The following TLN2 variants were observed in gnomAD, a reference collection of about 807,000 sequenced individuals.
TLN2 encodes talin 2, also known as talin-2.
Under a neutral mutation model 294.7 loss-of-function variants are expected in TLN2, and 118 were observed. That is an observed-to-expected ratio of 0.40 (90% CI 0.34 to 0.47). TLN2 has a LOEUF of 0.47. TLN2 is among the 20% of genes least tolerant of loss of function. The probability of loss-of-function intolerance (pLI) is 0.84; values close to 1 mark genes in which losing one functional copy is unlikely to be tolerated. For synonymous variants in TLN2, 1,431 were observed against 1,304.5 expected (o/e 1.10, Z -2.09); for missense variants, 3,083 against 3,282.2 (o/e 0.94, Z 1.48).
intron 36 of TLN2, 104 bp downstream of exon 36, chr15:62,754,020 C>A: frequency 7.4e-7 from 1 of 1,350,840 alleles, no homozygotes. Context: ...TCTTTCAGAG[C>A]TTGCAAAGGT....
intron 1 of TLN2, among the ~76,000 whole-genome samples, chr15:62,411,993 G>A (rs755329174): frequency 1.3e-5 from 2 of 152,118 alleles, no homozygotes; most frequent in Non-Finnish European, 2.9e-5. Context: ...TACACAGCTC[G>A]CTGGGCATGC....
intron 1 of TLN2, among the ~76,000 whole-genome samples, chr15:62,504,174 C>G (rs2039458872): frequency 6.6e-6 from 1 of 152,138 alleles, no homozygotes; most frequent in Non-Finnish European, 1.5e-5. Context: ...TCTGATAGGT[C>G]TCTCAAATAA....
intron 45 of TLN2, among the ~76,000 whole-genome samples, chr15:62,785,666 A>AAG (rs3055822): frequency 1.3e-5 from 2 of 150,782 alleles, no homozygotes; most frequent in African/African-American, 4.9e-5. Flanking sequence ...AAAAAAAAAA[A>AAG]GGGGAAGAAG....
chr15:62,750,409 A>G lies in TLN2; in HGVS notation c.4127A>G (p.Lys1376Arg), dbSNP rs1296376933. Residue 1376 changes from lysine (K) to arginine (R), a missense_variant, in exon 34 of 59, where the codon AAG becomes AGG. By Grantham distance (26) the Lys-to-Arg change is conservative. Coordinates refer to ENST00000636159, the MANE Select transcript of TLN2 (RefSeq NM_015059.3). ...TGTGTTCTTCTTCTGTAGACTGTGAAGGGGATGTTGGACAATCCTAATGAA... is the reference window on the plus strand; with the variant it reads ...TGTGTTCTTCTTCTGTAGACTGTGAGGGGGATGTTGGACAATCCTAATGAA... Reference protein sequence around the residue: ...DNALRELETVKGMLDNPNEPV... With the variant: ...DNALRELETVRGMLDNPNEPV... 6.2e-7 allele frequency: 1 copy of G among 1,613,988 alleles called. No individual in the cohort carries two copies. The highest frequency in any genetic ancestry group is 8.5e-7 in the Non-Finnish European group (1 of 1,179,834).
At chr15:62,724,129 C>T (rs1567461318) in intron 26 of TLN2, among the ~76,000 whole-genome samples, 1 of 152,124 alleles carries the variant, frequency 6.6e-6, no homozygotes, top group African/African-American at 2.4e-5. Context: ...ACCTGGGCAA[C>T]AGAGTGAGAC....
chr15:62,738,477 A>G (rs957605686), intron 30 of TLN2, 144 bp downstream of exon 30: 13 of 1,235,894 alleles, frequency 1.1e-5, no homozygotes, highest in Admixed American at 2.9e-5. Flanking sequence ...TTTGTTTTCC[A>G]TGTTTTGCTG....
intron 1 of TLN2, among the ~76,000 whole-genome samples, chr15:62,493,612 C>A (rs1208048425): frequency 1.3e-5 from 2 of 151,854 alleles, no homozygotes; most frequent in Non-Finnish European, 2.9e-5. Flanking sequence ...AGGTTCCCCC[C>A]CGCCGCTTTT....
intron 1 of TLN2, among the ~76,000 whole-genome samples, chr15:62,567,355 G>A (rs2043487258): frequency 6.6e-6 from 1 of 152,224 alleles, no homozygotes; most frequent in African/African-American, 2.4e-5. Flanking sequence ...TTTCAAAGAT[G>A]TTTGAAGTTT....
chr15:62,652,428 T>C (rs1596503275), intron 6 of TLN2, among the ~76,000 whole-genome samples: 2 of 152,192 alleles, frequency 1.3e-5, no homozygotes, highest in African/African-American at 4.8e-5. Context: ...TTCTATTCTA[T>C]ATGAGCACTC....
intron 27 of TLN2, among the ~76,000 whole-genome samples, chr15:62,725,429 A>G (rs1481945943): frequency 6.6e-6 from 1 of 152,208 alleles, no homozygotes; most frequent in African/African-American, 2.4e-5. Flanking sequence ...TTTTAAAAAA[A>G]CATTTACTTA....
intron 51 of TLN2, among the ~76,000 whole-genome samples, chr15:62,807,248 C>T (rs2066353306): frequency 6.6e-6 from 1 of 152,140 alleles, no homozygotes; most frequent in Non-Finnish European, 1.5e-5. Context: ...TAAAGGCCTG[C>T]ATGCATTGTG....
intron 2 of TLN2, among the ~76,000 whole-genome samples, chr15:62,610,545 C>T (rs1008250543): frequency 6.6e-6 from 1 of 152,190 alleles, no homozygotes; most frequent in Non-Finnish European, 1.5e-5. Context: ...GACAGCACCT[C>T]GGCACTATGT....
At chr15:62,769,266 G>A (rs538021024) in intron 41 of TLN2, among the ~76,000 whole-genome samples, 5 of 152,332 alleles carry the variant, frequency 3.3e-5, no homozygotes, top group East Asian at 1.9e-4. Flanking sequence ...TCAGTGCTCC[G>A]TTCCCTTTGG....
intron 1 of TLN2, among the ~76,000 whole-genome samples, chr15:62,406,344 G>C (rs138863381): frequency 6.6e-6 from 1 of 152,210 alleles, no homozygotes; most frequent in African/African-American, 2.4e-5. Flanking sequence ...CCAAAGTGGG[G>C]CTTAGTCCAT....
At chr15:62,534,948 A>C (rs2041253406) in intron 1 of TLN2, among the ~76,000 whole-genome samples, 1 of 152,126 alleles carries the variant, frequency 6.6e-6, no homozygotes. Context: ...CTCTGCCCCT[A>C]AGTGGCATGC....
Position 62,535,467 on chromosome 15 carries a change from TACACACAC to T in TLN2, c.-237-54203_-237-54196del, listed in dbSNP as rs35591215. Among the ~76,000 whole-genome samples, 9 of 148,994 alleles carry T rather than the reference TACACACAC, an allele frequency of 6.0e-5. No individual in the cohort carries two copies. In the East Asian group the frequency reaches 1.8e-3, roughly 30 times the overall value. ...AGCATAGTGAGACCCTGTCTGTGTG[TACACACAC>T]ACACACACACACACACCCCTCTCTC... is the stretch of plus-strand genomic sequence containing the variant. On this transcript the variant is annotated intron_variant, in intron 1 of 58. Transcript: ENST00000636159.
rs58523803 is a variant in TLN2 at position 62,570,903 on chromosome 15, CTGTGTGTGTGTGTG to C, written c.-237-18756_-237-18743del. Among the ~76,000 whole-genome samples the C allele has an allele frequency of 1.4e-3, 196 of 143,916 alleles. 2 individuals carry two copies. Among genetic ancestry groups the C allele is most frequent in the African/African-American group, 4.6e-3 (180 of 39,376 alleles). The allele number at this position is 143,916 out of a possible 152,430, so 94.4% of individuals were successfully genotyped here. Reference sequence around the variant, plus strand: ...GGAAGAAGCTTCCATGCACAGGCATCTGTGTGTGTGTGTGTGTGTGTGTGTGTGTGTGTGTGTGT... The same window carrying C: ...GGAAGAAGCTTCCATGCACAGGCATCTGTGTGTGTGTGTGTGTGTGTGTGT... On this transcript the variant is annotated intron_variant, in intron 1 of 58. Transcript: ENST00000636159.
At chr15:62,532,932 G>T (rs936025338) in intron 1 of TLN2, among the ~76,000 whole-genome samples, 4 of 152,118 alleles carry the variant, frequency 2.6e-5, no homozygotes, top group African/African-American at 9.7e-5. Context: ...TATGTGTGCA[G>T]GAATTCATGG....
chr15:62,504,979 C>G (rs1431271983), intron 1 of TLN2, among the ~76,000 whole-genome samples: 1 of 151,790 alleles, frequency 6.6e-6, no homozygotes, highest in African/African-American at 2.4e-5. Flanking sequence ...TGTTTTGAGA[C>G]GGAGTCTCAC....
Sources: allele counts gnomAD v4.1 joint callset (sites outside exome capture counted in the v4.1 genomes callset), GRCh38; gene constraint gnomAD v4.1.1; transcripts MANE v1.5; gene names NCBI Gene and HGNC (gene_info 2026-07-23, HGNC 2026-07-21).